NICN1: variants seen among roughly 807,000 people sequenced by gnomAD.
NICN1 encodes nicolin 1, tubulin polyglutamylase complex subunit.
NICN1 carries 18 observed loss-of-function variants against 26.3 expected under a neutral mutation model. The observed-to-expected ratio is 0.68, with a 90% CI of 0.47 to 1.01. The LOEUF (loss-of-function observed/expected upper bound fraction) is 1.01. Among genes scored for constraint, NICN1 ranks in the 50% least tolerant of loss-of-function variants. The pLI is 0.00. For synonymous variants in NICN1, 109 were observed against 111.0 expected (o/e 0.98, Z 0.11); for missense variants, 239 against 278.3 (o/e 0.86, Z 1.00).
chr3:49,425,014 G>C lies in NICN1; in HGVS notation c.535C>G (p.Gln179Glu), dbSNP rs777845316. 1 of 1,614,108 alleles carries C rather than the reference G, an allele frequency of 6.2e-7. No homozygotes were observed. The highest frequency in any genetic ancestry group is 2.2e-5 in the East Asian group (1 of 44,878). Residue 179 changes from glutamine to glutamate, a missense_variant, in exon 5 of 6, where the codon CAG (glutamine) becomes GAG (glutamate). Coordinates refer to ENST00000273598, the MANE Select transcript of NICN1 (RefSeq NM_032316.3). ...DPSRVSSEVQ[Q>E]MWALTEMIRA... ...ATCATCTCTGTCAGTGCCCACATCT[G>C]CTGCACCTCGGAGGATACCCTGCTG... is the stretch of plus-strand genomic sequence containing the variant.
Position 49,425,870 on chromosome 3 carries a change from GCTAGT to G in NICN1, c.423+8_423+12del. 1 of 1,440,590 alleles carries G rather than the reference GCTAGT, an allele frequency of 6.9e-7. No homozygotes were observed. Among genetic ancestry groups the G allele is most frequent in the Non-Finnish European group, 9.7e-7 (1 of 1,027,992 alleles). 89.2% of individuals were successfully genotyped at this position (1,440,590 alleles called of 1,614,324 possible). ...GGGGAAAGGGCCAGCCAGCAGCTGA[GCTAGT>G]CACTTACCTTTGGTCCCTGCTGATA... On this transcript the variant is annotated splice_region_variant and intron_variant, in intron 3 of 5. Transcript: ENST00000273598.
chr3:49,425,107 C>T, intron 4 of NICN1, 54 bp from the exon 5 acceptor site: 1 of 1,491,802 alleles, frequency 6.7e-7, no homozygotes, highest in Non-Finnish European at 9.3e-7. Flanking sequence ...CAGTGCCCTT[C>T]AGGCTCCAGA....
At position 49,422,454 on chromosome 3, in the gene NICN1, C is replaced by G. The variant is rs1559530945; in HGVS notation, c.*2379G>C. 4.3e-6 allele frequency: 7 copies of G among 1,612,652 alleles called. No individual in the cohort carries two copies. The highest frequency in any genetic ancestry group is 5.9e-6 in the Non-Finnish European group (7 of 1,179,722). On this transcript the variant is annotated 3_prime_UTR_variant, in exon 6 of 6. Coordinates refer to ENST00000273598, the MANE Select transcript of NICN1 (RefSeq NM_032316.3). ...CCACACTTACAGCCCTCTGCATCGT[C>G]GCCTGCAACGAGTGCAGACGGCGCA...
chr3:49,422,494 C>T lies in NICN1; in HGVS notation c.*2339G>A, dbSNP rs774803281. On this transcript the variant is annotated 3_prime_UTR_variant, in exon 6 of 6. Transcript: ENST00000273598. ...CAGACGGCGCACAGAGGCCACCACA[C>T]TGCCAGGCACGCCGGGAGATGTAGT... 6 of 1,583,874 alleles carry T rather than the reference C, an allele frequency of 3.8e-6. No individual in the cohort carries two copies. Among genetic ancestry groups the T allele is most frequent in the Non-Finnish European group, 3.5e-6 (4 of 1,157,806 alleles).
rs767785767 is a variant in NICN1, at chr3:49,422,500, G to A, written c.*2333C>T. ...GCGCACAGAGGCCACCACACTGCCA[G>A]GCACGCCGGGAGATGTAGTCCAGGC... is the stretch of plus-strand genomic sequence containing the variant. On this transcript the variant is annotated 3_prime_UTR_variant, in exon 6 of 6. Transcript: ENST00000273598. 6.4e-7 allele frequency: 1 copy of A among 1,572,078 alleles called. No homozygotes were observed. The highest frequency in any genetic ancestry group is 2.3e-5 in the East Asian group (1 of 44,056).
chr3:49,429,082 C>T lies in NICN1; in HGVS notation c.132+26G>A, dbSNP rs1435776112. On this transcript the variant is annotated intron_variant, in intron 1 of 5. Coordinates refer to ENST00000273598, the MANE Select transcript of NICN1 (RefSeq NM_032316.3). ...CCAGGTCGGCCCCGCCCGGGAGCCT[C>T]GGTCGCGCCCACCAGGCTTGCTCAC... 9 of 1,561,616 alleles carry T rather than the reference C, an allele frequency of 5.8e-6. No homozygotes were observed. The East Asian group carries it at 1.7e-4, about 29-fold the overall frequency.
intron 3 of NICN1, 76 bp from the exon 4 acceptor site, chr3:49,425,514 C>G: frequency 7.9e-7 from 1 of 1,267,922 alleles, no homozygotes; most frequent in South Asian, 1.5e-5. Context: ...GTCCTAGGAG[C>G]AGAGAGAAGG....
In NICN1 at chr3:49,424,448, G is replaced by A. The variant is rs1197641717; in HGVS notation, c.*385C>T. The A allele has an allele frequency of 5.9e-6, 2 of 337,724 alleles. No homozygotes were observed. Among genetic ancestry groups the A allele is most frequent in the Non-Finnish European group, 1.1e-5 (2 of 181,934 alleles). 20.9% of individuals were successfully genotyped at this position (337,724 alleles called of 1,614,324 possible). On this transcript the variant is annotated 3_prime_UTR_variant, in exon 6 of 6. Coordinates refer to ENST00000273598, the MANE Select transcript of NICN1 (RefSeq NM_032316.3). Reference sequence around the variant, plus strand: ...TGCCATGGCAGCAATGGCCTTCCAGGTCCATACATGGAGCAGGTTTTAGTA... The same window carrying A: ...TGCCATGGCAGCAATGGCCTTCCAGATCCATACATGGAGCAGGTTTTAGTA...
At position 49,425,084 on chromosome 3, in the gene NICN1, G is replaced by A. The variant is rs752042925; in HGVS notation, c.496-31C>T. 3.8e-6 allele frequency: 6 copies of A among 1,576,160 alleles called. No individual in the cohort carries two copies. The South Asian group carries it at 5.5e-5, about 15-fold the overall frequency. ...CCAGAAGGAGGGGTCAGTGGCCATG[G>A]GTCTCTCCCCAGCAGTGCCCTTCAG... is the stretch of plus-strand genomic sequence containing the variant. On this transcript the variant is annotated intron_variant, in intron 4 of 5. Coordinates refer to ENST00000273598, the MANE Select transcript of NICN1 (RefSeq NM_032316.3).
chr3:49,424,596 T>G lies in NICN1; in HGVS notation c.*237A>C. 1 of 600,948 alleles carries G rather than the reference T, an allele frequency of 1.7e-6. No individual in the cohort carries two copies. Among genetic ancestry groups the G allele is most frequent in the Non-Finnish European group, 3.0e-6 (1 of 338,080 alleles). 37.2% of individuals were successfully genotyped at this position (600,948 alleles called of 1,614,324 possible). ...TAAGTACAACTGACTGGAGTGTTTT[T>G]GGGTAGAAGGAAGAATTGAGTTGCA... On this transcript the variant is annotated 3_prime_UTR_variant, in exon 6 of 6. Coordinates refer to ENST00000273598, the MANE Select transcript of NICN1 (RefSeq NM_032316.3).
chr3:49,427,657 A>G (rs958691361), intron 1 of NICN1, among the ~76,000 whole-genome samples: 5 of 151,888 alleles, frequency 3.3e-5, no homozygotes, highest in Admixed American at 6.6e-5. Context: ...AAAAAAAAAA[A>G]AAAAAAGAAA....
chr3:49,425,706 G>A (rs2049164290), intron 3 of NICN1, among the ~76,000 whole-genome samples, 177 bp downstream of exon 3: 1 of 152,174 alleles, frequency 6.6e-6, no homozygotes, highest in Non-Finnish European at 1.5e-5. Context: ...CCAAAGGTCA[G>A]GGGATATGGG....
At chr3:49,425,096 G>T in intron 4 of NICN1, 43 bp from the exon 5 acceptor site, 1 of 1,533,754 alleles carries the variant, frequency 6.5e-7, no homozygotes, top group East Asian at 2.2e-5. Context: ...TCTCTCCCCA[G>T]CAGTGCCCTT....
rs1348626587 is a variant in NICN1, at chr3:49,429,094, C to T, written c.132+14G>A. 6.3e-7 allele frequency: 1 copy of T among 1,589,592 alleles called. No homozygotes were observed. On this transcript the variant is annotated intron_variant, in intron 1 of 5. Transcript: ENST00000273598. The stretch of plus-strand genomic sequence containing the variant: ...CGCCCGGGAGCCTCGGTCGCGCCCA[C>T]CAGGCTTGCTCACCTCGAAGGGAGC...
At chr3:49,428,749 A>T (rs2049194945) in intron 1 of NICN1, among the ~76,000 whole-genome samples, 1 of 150,692 alleles carries the variant, frequency 6.6e-6, no homozygotes, top group Admixed American at 6.6e-5. Flanking sequence ...ATGGGGAGGC[A>T]GGTTTTGGGG....
intron 1 of NICN1, among the ~76,000 whole-genome samples, chr3:49,426,814 A>G (rs1200492214): frequency 6.6e-6 from 1 of 152,136 alleles, no homozygotes; most frequent in Non-Finnish European, 1.5e-5. Context: ...TACTAAACTA[A>G]CAATTTCAAC....
rs2049156057 is a variant in NICN1, at chr3:49,424,663, T to C, written c.*170A>G. The stretch of plus-strand genomic sequence containing the variant: ...GCACCCCCATGCCAGGAGCTCATGC[T>C]GAAGTAACACGGTAAGCCCCTGAGA... On this transcript the variant is annotated 3_prime_UTR_variant, in exon 6 of 6. Transcript: ENST00000273598. 1 of 649,272 alleles carries C rather than the reference T, an allele frequency of 1.5e-6. No individual in the cohort carries two copies. The highest frequency in any genetic ancestry group is 1.8e-5 in the South Asian group (1 of 54,960). The allele number at this position is 649,272 out of a possible 1,614,324, so 40.2% of individuals were successfully genotyped here. A position where few individuals can be genotyped will look rare whatever the true frequency, so the allele number is the denominator to read the frequency against.
At position 49,423,397 on chromosome 3, in the gene NICN1, A is replaced by G. The variant is rs1375839160; in HGVS notation, c.*1436T>C. 2 of 152,288 alleles carry G rather than the reference A, an allele frequency of 1.3e-5. No individual in the cohort carries two copies. The highest frequency in any genetic ancestry group is 2.4e-5 in the African/African-American group (1 of 41,454). 9.4% of individuals were successfully genotyped at this position (152,288 alleles called of 1,614,324 possible). On this transcript the variant is annotated 3_prime_UTR_variant, in exon 6 of 6. Coordinates refer to ENST00000273598, the MANE Select transcript of NICN1 (RefSeq NM_032316.3). Reference sequence around the variant, plus strand: ...GACTTAGGCCTCTTAAAAGGCAACAATGAGAACCCTTACTTGGACCCACTC... The same window carrying G: ...GACTTAGGCCTCTTAAAAGGCAACAGTGAGAACCCTTACTTGGACCCACTC...
chr3:49,425,125 A>T, intron 4 of NICN1, 72 bp from the exon 5 acceptor site: 1 of 1,316,974 alleles, frequency 7.6e-7, no homozygotes, highest in South Asian at 1.2e-5. Flanking sequence ...AGAGAGGCCA[A>T]CCTGGGCTAG....
Sources: gnomAD v4.1 joint callset for allele counts (sites outside exome capture counted in the v4.1 genomes callset) on GRCh38, gnomAD v4.1.1 for gene constraint, MANE v1.5 for transcripts, NCBI Gene and HGNC (gene_info 2026-07-23, HGNC 2026-07-21) for gene names.